Variants in RESF1 observed in about 807,000 individuals in gnomAD.
The protein encoded by RESF1 is retroelement silencing factor 1.
RESF1 carries 65 observed loss-of-function variants against 134.7 expected under a neutral mutation model. That is an observed-to-expected ratio of 0.48 (90% confidence interval 0.40 to 0.59). The LOEUF is 0.59. RESF1 is among the 20% of genes least tolerant of loss of function. RESF1 has a pLI of 0.00. For missense variants in RESF1, 2,274 were observed against 2,002.7 expected (o/e 1.14, Z -2.59); for synonymous variants, 762 against 702.2 (o/e 1.09, Z -1.35).
chr12:31,964,117 T>C (rs755188990), intron 2 of RESF1, among the ~76,000 whole-genome samples: 7 of 152,228 alleles, frequency 4.6e-5, no homozygotes, highest in Non-Finnish European at 1.0e-4. Flanking sequence ...CCAAAGTAGA[T>C]TTACCACTTT....
In RESF1 at chr12:31,965,395, A is replaced by T. The variant is rs188712865; in HGVS notation, c.-247+4524A>T. ...GCCACTACTTCATTTACATAACGTG[A>T]ATCCATGGTAAACCTCTAGAGAGTA... On this transcript the variant is annotated intron_variant, in intron 2 of 5. Transcript: ENST00000312561. 2.0e-5 allele frequency among the ~76,000 whole-genome samples: 3 copies of T among 152,292 alleles called. No individual in the cohort carries two copies. The East Asian group carries it at 5.8e-4, about 29-fold the overall frequency.
chr12:31,971,021 C>T (rs1202268144), intron 3 of RESF1, among the ~76,000 whole-genome samples: 1 of 152,180 alleles, frequency 6.6e-6, no homozygotes, highest in Non-Finnish European at 1.5e-5. Flanking sequence ...TCGTTTTAGA[C>T]AACAGTGCAT....
At chr12:31,990,236 T>C (rs1171495526) in intron 5 of RESF1, among the ~76,000 whole-genome samples, 3 of 152,110 alleles carry the variant, frequency 2.0e-5, no homozygotes, top group Admixed American at 2.0e-4. Context: ...GGATGAGCAC[T>C]GCACGGTGAA....
intron 3 of RESF1, among the ~76,000 whole-genome samples, chr12:31,974,615 A>T (rs1421875896): frequency 6.6e-6 from 1 of 152,028 alleles, no homozygotes; most frequent in East Asian, 1.9e-4. Flanking sequence ...GACCTCACTT[A>T]ACCAATTATC....
rs528628324 is a variant in RESF1, at chr12:31,975,088, C to T, written c.-79+4732C>T. On this transcript the variant is annotated intron_variant, in intron 3 of 5. Transcript: ENST00000312561. Reference sequence around the variant, plus strand: ...AGGAGTTTGAGACCATCTTGGCCAACATGGTGAAACCCCATCTCTAGCAAA... The same window carrying T: ...AGGAGTTTGAGACCATCTTGGCCAATATGGTGAAACCCCATCTCTAGCAAA... Among the ~76,000 whole-genome samples the T allele has an allele frequency of 9.9e-5, 15 of 151,912 alleles. No homozygotes were observed. In the South Asian group the frequency reaches 1.0e-3, roughly 11 times the overall value.
chr12:31,983,127 T>A lies in RESF1; in HGVS notation c.2172T>A (p.Asn724Lys). ...KSPCSVVGNS[N>K]SQNKISNPSQ... ...CTTGTTCAGTTGTGGGAAATTCAAA[T>A]TCTCAGAATAAAATAAGTAATCCCT... Residue 724 changes from asparagine (N) to lysine (K), a missense_variant, in exon 4 of 6, where the codon AAT (asparagine) becomes AAA (lysine). Physicochemically the swap from Asn to Lys is moderately conservative, Grantham distance 94. Transcript: ENST00000312561. 2 of 1,611,052 alleles carry A rather than the reference T, an allele frequency of 1.2e-6. No individual in the cohort carries two copies. The highest frequency in any genetic ancestry group is 1.7e-6 in the Non-Finnish European group (2 of 1,178,968).
chr12:31,965,884 C>T (rs1040407866), intron 2 of RESF1, among the ~76,000 whole-genome samples: 15 of 110,034 alleles, frequency 1.4e-4, no homozygotes, highest in African/African-American at 5.6e-4. Flanking sequence ...AGCGAGACTT[C>T]GTCTCAAAAA....
rs1939989753 is a variant in RESF1, at chr12:31,987,085, T to A, written c.5003-154T>A. On this transcript the variant is annotated intron_variant, in intron 4 of 5. Coordinates refer to ENST00000312561, the MANE Select transcript of RESF1 (RefSeq NM_018169.4). ...TTGAGGTAAGCATTTCAAATAGAAA[T>A]CATTTTTCCAGTCCTTTTTTTAGAG... 4 of 554,974 alleles carry A rather than the reference T, an allele frequency of 7.2e-6. No individual in the cohort carries two copies. The South Asian group carries it at 8.6e-5, about 12-fold the overall frequency. The allele number at this position is 554,974 out of a possible 1,614,324, so 34.4% of individuals were successfully genotyped here. A position where few individuals can be genotyped will look rare whatever the true frequency, so the allele number is the denominator to read the frequency against.
intron 3 of RESF1, among the ~76,000 whole-genome samples, chr12:31,973,673 G>A (rs1347169790): frequency 8.5e-6 from 1 of 117,006 alleles, no homozygotes; most frequent in Non-Finnish European, 1.8e-5. Context: ...GGAGAGGGAT[G>A]GAGGAAAAAA....
At position 31,992,683 on chromosome 12, in the gene RESF1, T is replaced by C. The variant is rs529792454; in HGVS notation, c.*148T>C. Reference sequence around the variant, plus strand: ...ATTGTATTTCATTGAAAGTGCTTAATTAAAATGGCTTGAGAACTTTGGGTA... The same window carrying C: ...ATTGTATTTCATTGAAAGTGCTTAACTAAAATGGCTTGAGAACTTTGGGTA... On this transcript the variant is annotated 3_prime_UTR_variant, in exon 6 of 6. Transcript: ENST00000312561. 1 of 801,562 alleles carries C rather than the reference T, an allele frequency of 1.2e-6. No homozygotes were observed. The highest frequency in any genetic ancestry group is 2.6e-5 in the East Asian group (1 of 38,462). 49.7% of individuals were successfully genotyped at this position (801,562 alleles called of 1,614,324 possible).
chr12:31,968,593 C>T (rs866578524), intron 2 of RESF1, among the ~76,000 whole-genome samples: 2 of 151,880 alleles, frequency 1.3e-5, no homozygotes, highest in African/African-American at 2.4e-5. Context: ...GGATTACAGG[C>T]GCCCACCACC....
rs756267930 is a variant in RESF1, at chr12:31,985,481, T to C, written c.4526T>C (p.Leu1509Ser). Residue 1509 changes from leucine (L) to serine (S), a missense_variant, in exon 4 of 6, where the codon TTA (leucine) becomes TCA (serine). By Grantham distance (145) the Leu-to-Ser change is moderately radical. Transcript: ENST00000312561. ...GGCGTGCAGACCTCTAAAGAATCAT[T>C]AAATGGCTTGACAAGCCATGGTAAA... Reference protein sequence around the residue: ...SSGVQTSKESLNGLTSHGKNL... With the variant: ...SSGVQTSKESSNGLTSHGKNL... The C allele has an allele frequency of 6.8e-6, 11 of 1,606,052 alleles. No homozygotes were observed. The East Asian group carries it at 2.2e-4, about 33-fold the overall frequency.
Position 31,985,591 on chromosome 12 carries a change from G to A in RESF1, c.4636G>A (p.Asp1546Asn). The A allele has an allele frequency of 6.2e-7, 1 of 1,603,532 alleles. No individual in the cohort carries two copies. Among genetic ancestry groups the A allele is most frequent in the Non-Finnish European group, 8.5e-7 (1 of 1,177,318 alleles). Residue 1546 changes from aspartate to asparagine, a missense_variant, in exon 4 of 6, where the codon GAT (aspartate) becomes AAT (asparagine). By Grantham distance (23) the Asp-to-Asn change is conservative (BLOSUM62 1). Transcript: ENST00000312561. ...VKEKVGGKQP[D>N]KIWIDKTKLD... ...AGAAAAAGTTGGTGGGAAGCAGCCT[G>A]ATAAAATATGGATTGATAAGACTAA...
intron 3 of RESF1, among the ~76,000 whole-genome samples, chr12:31,971,788 T>A (rs923466867): frequency 6.6e-6 from 1 of 152,220 alleles, no homozygotes; most frequent in Non-Finnish European, 1.5e-5. Context: ...GTTGGGACTT[T>A]TCAGCCCTAC....
intron 4 of RESF1, 35 bp from the exon 5 acceptor site, chr12:31,987,204 A>C (rs757614158): frequency 3.5e-6 from 4 of 1,159,404 alleles, no homozygotes; most frequent in Non-Finnish European, 5.2e-6. Flanking sequence ...GATGATTAGC[A>C]ATATCTAGAG....
chr12:31,975,891 G>C (rs1939621159), intron 3 of RESF1, among the ~76,000 whole-genome samples: 1 of 152,112 alleles, frequency 6.6e-6, no homozygotes, highest in South Asian at 2.1e-4. Flanking sequence ...ACCTAATGCT[G>C]CTGGCAGTGT....
At position 31,984,540 on chromosome 12, in the gene RESF1, CTCATCT is replaced by C. The variant is rs770261560; in HGVS notation, c.3589_3594del (p.Ser1197_Ser1198del). On this transcript the variant is annotated inframe_deletion, in exon 4 of 6. Transcript: ENST00000312561. ...AGTGTCAGTGTAATTCCATCAAGAA[CTCATCT>C]TCAGAGGAAGAGAAACAAAAAGAGC... is the stretch of plus-strand genomic sequence containing the variant. 1.3e-6 allele frequency: 2 copies of C among 1,592,624 alleles called. No individual in the cohort carries two copies. Among genetic ancestry groups the C allele is most frequent in the African/African-American group, 2.7e-5 (2 of 74,028 alleles).
rs553948289 is a variant in RESF1 at position 31,977,587 on chromosome 12, A to G, written c.-78-3291A>G. 8.0e-4 allele frequency among the ~76,000 whole-genome samples: 122 copies of G among 152,294 alleles called. 2 individuals carry two copies. In the South Asian group the frequency reaches 0.024, roughly 30 times the overall value. ...TAAGGCTTATTTTCATTCGTGGCATATAGATAACCAATTGACCTAGCTTCA... is the reference window on the plus strand; with the variant it reads ...TAAGGCTTATTTTCATTCGTGGCATGTAGATAACCAATTGACCTAGCTTCA... On this transcript the variant is annotated intron_variant, in intron 3 of 5. Coordinates refer to ENST00000312561, the MANE Select transcript of RESF1 (RefSeq NM_018169.4).
At chr12:31,963,718 C>T (rs186941916) in intron 2 of RESF1, among the ~76,000 whole-genome samples, 240 of 152,280 alleles carry the variant, frequency 1.6e-3, no homozygotes, top group African/African-American at 5.4e-3. Flanking sequence ...AGTGGTAACT[C>T]CCCATTTTCT....
Sources: gnomAD v4.1 joint callset for allele counts (sites outside exome capture counted in the v4.1 genomes callset) on GRCh38, gnomAD v4.1.1 for gene constraint, MANE v1.5 for transcripts, NCBI Gene and HGNC (gene_info 2026-07-23, HGNC 2026-07-21) for gene names.